The following SIPA1L1 variants were observed in gnomAD, a reference collection of about 807,000 sequenced individuals.
SIPA1L1 encodes the protein signal induced proliferation associated 1 like 1.
A neutral mutation model predicts 162.7 loss-of-function variants in SIPA1L1; 26 were observed. The observed-to-expected ratio is 0.16, with a 90% CI of 0.12 to 0.22. The LOEUF (loss-of-function observed/expected upper bound fraction) is 0.22, where lower values mean the gene tolerates loss of function less well. SIPA1L1 is among the 10% of genes least tolerant of loss of function. The probability of loss-of-function intolerance (pLI) is 1.00; values close to 1 mark genes in which losing one functional copy is unlikely to be tolerated. For synonymous variants in SIPA1L1, 829 were observed against 837.4 expected (o/e 0.99, Z 0.17); for missense variants, 1,874 against 2,241.0 (o/e 0.84, Z 3.31).
intron 4 of SIPA1L1, among the ~76,000 whole-genome samples, chr14:71,553,259 T>A (rs183051509): frequency 6.6e-6 from 1 of 152,238 alleles, no homozygotes; most frequent in South Asian, 2.1e-4. Flanking sequence ...TACTAAGTTA[T>A]AAGAATCTAT....
intron 2 of SIPA1L1, among the ~76,000 whole-genome samples, chr14:71,371,457 A>G (rs927929031): frequency 6.6e-6 from 1 of 152,044 alleles, no homozygotes; most frequent in African/African-American, 2.4e-5. Context: ...GTGTGATCTC[A>G]GCTCACTGCA....
At chr14:71,324,112 C>T (rs554708736) in intron 2 of SIPA1L1, among the ~76,000 whole-genome samples, 23 of 152,278 alleles carry the variant, frequency 1.5e-4, no homozygotes, top group African/African-American at 5.3e-4. Flanking sequence ...ACTTGCTTCA[C>T]AGATGAGCTA....
At chr14:71,668,579 G>A (rs1467188521) in intron 10 of SIPA1L1, among the ~76,000 whole-genome samples, 3 of 152,152 alleles carry the variant, frequency 2.0e-5, no homozygotes, top group Non-Finnish European at 4.4e-5. Flanking sequence ...TAAAATCGAG[G>A]TGAATTTTCA....
At chr14:71,494,505 G>A (rs1213723363) in intron 2 of SIPA1L1, among the ~76,000 whole-genome samples, 1 of 149,828 alleles carries the variant, frequency 6.7e-6, no homozygotes, top group Non-Finnish European at 1.5e-5. Context: ...GTATCTAATT[G>A]AGATTTTCTT....
intron 2 of SIPA1L1, among the ~76,000 whole-genome samples, chr14:71,374,723 C>T (rs373123860): frequency 9.7e-4 from 134 of 138,202 alleles, no homozygotes; most frequent in African/African-American, 3.2e-3. Flanking sequence ...TGTTTCTAGT[C>T]GCATTCACTG....
intron 2 of SIPA1L1, among the ~76,000 whole-genome samples, chr14:71,476,596 G>GT (rs1196116413): frequency 1.3e-5 from 2 of 151,720 alleles, no homozygotes; most frequent in African/African-American, 2.4e-5. Flanking sequence ...GTATTTTTAT[G>GT]TTTTTTTAAA....
chr14:71,467,182 T>C (rs1288365160), intron 2 of SIPA1L1: 1 of 152,166 alleles, frequency 6.6e-6, no homozygotes, highest in Non-Finnish European at 1.5e-5. Context: ...ACATTGTATG[T>C]GTGTGGATAT....
At chr14:71,327,693 T>C (rs2034002445) in intron 2 of SIPA1L1, among the ~76,000 whole-genome samples, 3 of 152,226 alleles carry the variant, frequency 2.0e-5, no homozygotes, top group Admixed American at 2.0e-4. Context: ...TGCTTGACTT[T>C]TAAAGACTTT....
chr14:71,463,730 T>C (rs2046780568), intron 2 of SIPA1L1, among the ~76,000 whole-genome samples: 1 of 152,214 alleles, frequency 6.6e-6, no homozygotes. Flanking sequence ...ATTTTTAGAA[T>C]TCAACTTAGT....
intron 2 of SIPA1L1, among the ~76,000 whole-genome samples, chr14:71,395,670 C>G (rs1369354544): frequency 6.6e-6 from 1 of 152,142 alleles, no homozygotes; most frequent in East Asian, 1.9e-4. Flanking sequence ...CTTGAAAACT[C>G]AAGAGCTGGT....
chr14:71,591,081 A>C (rs1047617561), intron 5 of SIPA1L1, among the ~76,000 whole-genome samples: 1 of 152,156 alleles, frequency 6.6e-6, no homozygotes, highest in African/African-American at 2.4e-5. Flanking sequence ...CCTCCACCCA[A>C]AACTGACACT....
At chr14:71,525,648 T>G (rs1222291732) in intron 3 of SIPA1L1, among the ~76,000 whole-genome samples, 1 of 152,250 alleles carries the variant, frequency 6.6e-6, no homozygotes, top group East Asian at 1.9e-4. Flanking sequence ...CTACTTCACT[T>G]GAAAAGTTGA....
intron 4 of SIPA1L1, among the ~76,000 whole-genome samples, chr14:71,538,428 A>C (rs983542812): frequency 6.6e-6 from 1 of 152,222 alleles, no homozygotes; most frequent in Non-Finnish European, 1.5e-5. Flanking sequence ...CACCTGGTAC[A>C]CAGGGACATC....
Position 71,656,176 on chromosome 14 carries a change from A to G in SIPA1L1, c.1994-2157A>G, listed in dbSNP as rs1259670445. 2.0e-5 allele frequency among the ~76,000 whole-genome samples: 3 copies of G among 152,248 alleles called. No homozygotes were observed. The East Asian group carries it at 5.8e-4, about 29-fold the overall frequency. ...GAAAAAGGCTGGTCAGATAGCATAC[A>G]TTGTGTGAAATGAGACGTGGAGGAC... On this transcript the variant is annotated intron_variant, in intron 8 of 23. Transcript: ENST00000381232.
intron 17 of SIPA1L1, among the ~76,000 whole-genome samples, chr14:71,713,312 A>G (rs181855727): frequency 6.6e-6 from 1 of 152,370 alleles, no homozygotes; most frequent in Non-Finnish European, 1.5e-5. Context: ...AGGTTATTGT[A>G]CAGATGCATC....
chr14:71,736,815 G>T (rs2085335849), intron 22 of SIPA1L1, among the ~76,000 whole-genome samples: 1 of 152,210 alleles, frequency 6.6e-6, no homozygotes, highest in Non-Finnish European at 1.5e-5. Context: ...GTGATGACAG[G>T]CTCTTTTCTT....
chr14:71,425,298 C>T (rs2140787253), intron 2 of SIPA1L1, among the ~76,000 whole-genome samples: 1 of 151,918 alleles, frequency 6.6e-6, no homozygotes, highest in African/African-American at 2.4e-5. Flanking sequence ...TTAGTTTGTT[C>T]TTAAAGTTAG....
intron 2 of SIPA1L1, among the ~76,000 whole-genome samples, chr14:71,439,112 G>T (rs1397963112): frequency 2.6e-5 from 4 of 152,138 alleles, no homozygotes; most frequent in Non-Finnish European, 4.4e-5. Context: ...AACCCAGGAA[G>T]ACCTCATGGA....
At chr14:71,675,537 AAC>A (rs2045059881) in intron 12 of SIPA1L1, among the ~76,000 whole-genome samples, 2 of 152,248 alleles carry the variant, frequency 1.3e-5, no homozygotes, top group African/African-American at 4.8e-5. Context: ...CTTCAAAGGG[AAC>A]AGCTGAAGCA....
Sources: gnomAD v4.1 joint callset for allele counts (sites outside exome capture counted in the v4.1 genomes callset) on GRCh38, gnomAD v4.1.1 for gene constraint, MANE v1.5 for transcripts, NCBI Gene and HGNC (gene_info 2026-07-23, HGNC 2026-07-21) for gene names.